PHF12: variants seen among roughly 807,000 people sequenced by gnomAD.
PHF12 encodes PHD finger protein 12.
Under a neutral mutation model 99.8 loss-of-function variants are expected in PHF12, and 6 were observed. The ratio of observed to expected loss-of-function variants is 0.06; its 90% CI spans 0.03 to 0.12. The LOEUF is 0.12. PHF12 is among the 10% of genes least tolerant of loss of function. The pLI is 1.00. For missense variants in PHF12, 954 were observed against 1,300.1 expected (o/e 0.73, Z 4.09); for synonymous variants, 480 against 514.9 (o/e 0.93, Z 0.92).
rs376940445 is a variant in PHF12 at position 28,906,444 on chromosome 17, C to A, written c.2754G>T (p.Gly918=). The A allele has an allele frequency of 3.8e-5, 61 of 1,613,926 alleles. No homozygotes were observed. The highest frequency in any genetic ancestry group is 3.5e-5 in the Non-Finnish European group (41 of 1,180,006). Residue 918 remains glycine (G), a synonymous_variant, in exon 15 of 15, where the codon GGG becomes GGT. Transcript: ENST00000332830. This position sits in a 1 kb window ranked among gnomAD's most constrained non-coding sequence, Gnocchi z 4.2. Reference sequence around the variant, plus strand: ...TGCAATTGCAGGGTCTCCGCTGCGGCCCCTGGGCCTGGGAACTCATCATGG... The same window carrying A: ...TGCAATTGCAGGGTCTCCGCTGCGGACCCTGGGCCTGGGAACTCATCATGG... The part of the protein sequence containing the change: ...EAAMMSSQAQ[G]PQRRPCNCKA...
At chr17:28,936,177 G>A (rs973673558) in intron 2 of PHF12, among the ~76,000 whole-genome samples, 5 of 152,076 alleles carry the variant, frequency 3.3e-5, no homozygotes, top group South Asian at 2.1e-4. Flanking sequence ...CATCTCCCTC[G>A]CCTATTAATA....
chr17:28,912,821 G>T lies in PHF12; in HGVS notation c.1750C>A (p.Pro584Thr). Residue 584 changes from proline to threonine, a missense_variant, in exon 9 of 15, where the codon CCC becomes ACC. Physicochemically the swap from Pro to Thr is conservative, Grantham distance 38. This residue lies in a region of PHF12 where 392 missense variants were observed against 423.1 expected (regional missense o/e 0.93). Coordinates refer to ENST00000332830, the MANE Select transcript of PHF12 (RefSeq NM_001033561.2). ...CCCCCAGCCGCTGGTGGCGTGAGGG[G>T]CCGGGGCCAGCCTTGCCGGTGTGAG... ...GLSHRQGWPR[P>T]LTPPAAGGLQ... The T allele has an allele frequency of 6.2e-7, 1 of 1,607,760 alleles. No homozygotes were observed. The highest frequency in any genetic ancestry group is 8.5e-7 in the Non-Finnish European group (1 of 1,176,056).
chr17:28,926,889 A>G (rs780264160), intron 3 of PHF12, 102 bp downstream of exon 3: 9 of 1,594,536 alleles, frequency 5.6e-6, no homozygotes, highest in Non-Finnish European at 7.7e-6. Flanking sequence ...AGAGACAAGA[A>G]GAAGGGACAA....
intron 3 of PHF12, chr17:28,926,736 T>C (rs1212978802): frequency 1.3e-5 from 18 of 1,410,720 alleles, no homozygotes; most frequent in Admixed American, 2.1e-5. Context: ...AAGGTAAGAC[T>C]ACTCCTGTCA....
chr17:28,938,892 T>A (rs769231577), intron 2 of PHF12, among the ~76,000 whole-genome samples: 3 of 152,186 alleles, frequency 2.0e-5, no homozygotes, highest in Non-Finnish European at 4.4e-5. Context: ...GAGCCATGAT[T>A]TTCCCCTTTG....
At chr17:28,931,078 AAAAC>A (rs1169427258) in intron 2 of PHF12, among the ~76,000 whole-genome samples, 3 of 152,104 alleles carry the variant, frequency 2.0e-5, no homozygotes, top group East Asian at 1.9e-4. Context: ...ACAACAACAA[AAAAC>A]AAACAAACAA....
Position 28,905,547 on chromosome 17 carries a change from A to G in PHF12, c.*636T>C, listed in dbSNP as rs1304499190. 4 of 152,606 alleles carry G rather than the reference A, an allele frequency of 2.6e-5. No homozygotes were observed. Among genetic ancestry groups the G allele is most frequent in the Admixed American group, 2.6e-4 (4 of 15,280 alleles). 9.5% of individuals were successfully genotyped at this position (152,606 alleles called of 1,614,324 possible). A position where few individuals can be genotyped will look rare whatever the true frequency, so the allele number is the denominator to read the frequency against. On this transcript the variant is annotated 3_prime_UTR_variant, in exon 15 of 15. Coordinates refer to ENST00000332830, the MANE Select transcript of PHF12 (RefSeq NM_001033561.2). Reference sequence around the variant, plus strand: ...TCATCACTAGATGTATTTACACAAAATCCAAATACACTTTTCCTTATTTGA... The same window carrying G: ...TCATCACTAGATGTATTTACACAAAGTCCAAATACACTTTTCCTTATTTGA...
At position 28,907,069 on chromosome 17, in the gene PHF12, G is replaced by T; in HGVS notation, c.2542-75C>A. On this transcript the variant is annotated intron_variant, in intron 13 of 14. Transcript: ENST00000332830. ...GGGGCTAAGGGGAGAGAGGACATAT[G>T]GAGAAGGCCGTGCTACTCTACCTAG... 3 of 1,484,606 alleles carry T rather than the reference G, an allele frequency of 2.0e-6. No individual in the cohort carries two copies. The South Asian group carries it at 3.9e-5, about 19-fold the overall frequency. 92.0% of individuals were successfully genotyped at this position (1,484,606 alleles called of 1,614,324 possible).
At chr17:28,945,318 C>T (rs866146678) in intron 2 of PHF12, 2 of 152,214 alleles carry the variant, frequency 1.3e-5, no homozygotes, top group Non-Finnish European at 2.9e-5. Flanking sequence ...ACCTTTGTTA[C>T]GACTCACTGA....
Position 28,906,529 on chromosome 17 carries a change from G to T in PHF12, c.2681-12C>A. 1 of 1,588,690 alleles carries T rather than the reference G, an allele frequency of 6.3e-7. No individual in the cohort carries two copies. Among genetic ancestry groups the T allele is most frequent in the Non-Finnish European group, 8.6e-7 (1 of 1,163,496 alleles). On this transcript the variant is annotated splice_polypyrimidine_tract_variant and intron_variant, in intron 14 of 14. Transcript: ENST00000332830. This position sits in a 1 kb window ranked among gnomAD's most constrained non-coding sequence, Gnocchi z 4.2. ...GTGCCGGCGGCGCCCTGGGAAAAAG[G>T]GGGATGGTCACAGAAGAGGAACAGT...
chr17:28,921,713 C>G lies in PHF12; in HGVS notation c.811G>C (p.Val271Leu), dbSNP rs758095952. The G allele has an allele frequency of 1.2e-6, 2 of 1,614,056 alleles. No individual in the cohort carries two copies. Among genetic ancestry groups the G allele is most frequent in the Non-Finnish European group, 1.7e-6 (2 of 1,179,958 alleles). ...CTGTTACACGTGAAGCAGACTTTGA[C>G]GGGTAAGGGAACGAGACCATTGTGA... ...LDHNGLVPLP[V>L]KVCFTCNRSC... The change falls in exon 5 of 15, where the codon GTC becomes CTC. Residue 271 changes from valine (V) to leucine (L), a missense_variant. By Grantham distance (32) the Val-to-Leu change is conservative. Coordinates refer to ENST00000332830, the MANE Select transcript of PHF12 (RefSeq NM_001033561.2).
intron 6 of PHF12, 109 bp from the exon 7 acceptor site, chr17:28,917,558 TC>T: frequency 8.1e-7 from 1 of 1,233,258 alleles, no homozygotes; most frequent in Admixed American, 2.7e-5. Context: ...CCACATAGGT[TC>T]CCTCAATTAG....
chr17:28,922,233 T>C (rs184951693), intron 4 of PHF12, among the ~76,000 whole-genome samples: 1 of 152,292 alleles, frequency 6.6e-6, no homozygotes, highest in African/African-American at 2.4e-5. Context: ...GGACTACAGG[T>C]GTGGGCCATC....
In PHF12 at chr17:28,913,651, G is replaced by C. The variant is rs144073102; in HGVS notation, c.1293+228C>G. 5.4e-3 allele frequency among the ~76,000 whole-genome samples: 822 copies of C among 152,284 alleles called. 4 individuals carry two copies. The highest frequency in any genetic ancestry group is 8.6e-3 in the Non-Finnish European group (585 of 68,026). ...ACAGTATAGATTTGCCCATCTCACA[G>C]TGCACTGGGGTAACGATGGAGAGAA... On this transcript the variant is annotated intron_variant, in intron 8 of 14. Transcript: ENST00000332830.
intron 2 of PHF12, among the ~76,000 whole-genome samples, chr17:28,942,754 T>C (rs2040642446): frequency 6.6e-6 from 1 of 151,928 alleles, no homozygotes; most frequent in Non-Finnish European, 1.5e-5. Flanking sequence ...AGGTGAAGGT[T>C]GCAGTGAGCT....
chr17:28,907,042 C>T (rs2039882849), intron 13 of PHF12, 48 bp from the exon 14 acceptor site: 9 of 1,558,070 alleles, frequency 5.8e-6, no homozygotes, highest in Non-Finnish European at 7.0e-6. Context: ...TGTGTGGGGC[C>T]TGGGGCTAAG....
intron 4 of PHF12, among the ~76,000 whole-genome samples, chr17:28,922,624 A>G (rs2152665689): frequency 6.6e-6 from 1 of 152,344 alleles, no homozygotes; most frequent in East Asian, 1.9e-4. Flanking sequence ...CTATACATGT[A>G]TATAATGATG....
rs35263191 is a variant in PHF12, at chr17:28,923,653, C to CAAAAAAAAAAAAAAAAA, written c.715+239_715+255dup. Among the ~76,000 whole-genome samples, 429 of 43,446 alleles carry CAAAAAAAAAAAAAAAAA rather than the reference C, an allele frequency of 9.9e-3. 30 individuals are homozygous for CAAAAAAAAAAAAAAAAA. Among genetic ancestry groups the CAAAAAAAAAAAAAAAAA allele is most frequent in the African/African-American group, 0.015 (151 of 10,370 alleles). 28.5% of individuals were successfully genotyped at this position (43,446 alleles called of 152,430 possible). A position where few individuals can be genotyped will look rare whatever the true frequency, so the allele number is the denominator to read the frequency against. ...AGCCTGAGTGACAAAGTGAGACTCA[C>CAAAAAAAAAAAAAAAAA]AAAAAAAAAAAAAAAAAAAAAAGGA... On this transcript the variant is annotated intron_variant, in intron 4 of 14. Coordinates refer to ENST00000332830, the MANE Select transcript of PHF12 (RefSeq NM_001033561.2).
In PHF12 at chr17:28,924,071, C is replaced by T. The variant is rs1455550231; in HGVS notation, c.553G>A (p.Glu185Lys). The change falls in exon 4 of 15, where the codon GAA becomes AAA. Residue 185 changes from glutamate (E) to lysine (K), a missense_variant. This residue lies in a region of PHF12 where 109 missense variants were observed against 145.4 expected (regional missense o/e 0.75). Transcript: ENST00000332830. ...TPTSEQNDVD[E>K]DIIDVDEEPV... Reference sequence around the variant, plus strand: ...TCCTCATCCACGTCAATGATGTCTTCGTCGACATCATTCTGCTCAGAGGTG... The same window carrying T: ...TCCTCATCCACGTCAATGATGTCTTTGTCGACATCATTCTGCTCAGAGGTG... 4 of 1,614,060 alleles carry T rather than the reference C, an allele frequency of 2.5e-6. No homozygotes were observed. The highest frequency in any genetic ancestry group is 1.3e-5 in the African/African-American group (1 of 74,908).
Sources: gnomAD v4.1 joint callset for allele counts (sites outside exome capture counted in the v4.1 genomes callset) on GRCh38, gnomAD v4.1.1 for gene constraint, gnomAD v4.1.1 regional missense constraint, Gnocchi (gnomAD v3.1) non-coding constraint, MANE v1.5 for transcripts, NCBI Gene and HGNC (gene_info 2026-07-23, HGNC 2026-07-21) for gene names.